Variants in ARHGAP28 observed in about 807,000 individuals in gnomAD.
The protein encoded by ARHGAP28 is Rho GTPase activating protein 28.
In ARHGAP28, 56 loss-of-function variants were observed where a neutral mutation model predicts 90.7. The ratio of observed to expected loss-of-function variants is 0.62; its 90% CI spans 0.50 to 0.77. The LOEUF is 0.77. ARHGAP28 is among the 30% of genes least tolerant of loss of function. ARHGAP28 has a pLI of 0.00. For synonymous variants in ARHGAP28, 308 were observed against 323.3 expected (o/e 0.95, Z 0.51); for missense variants, 869 against 900.9 (o/e 0.96, Z 0.45).
chr18:6,912,859 A>T lies in ARHGAP28; in HGVS notation c.*705A>T, dbSNP rs1397652206. ...TTCTTCTATGAGCACAGGTCCTCCTAGTGAAGCTTAGTTTGACAAAGGGTG... is the reference window on the plus strand; with the variant it reads ...TTCTTCTATGAGCACAGGTCCTCCTTGTGAAGCTTAGTTTGACAAAGGGTG... On this transcript the variant is annotated 3_prime_UTR_variant, in exon 18 of 18. Coordinates refer to ENST00000383472, the MANE Select transcript of ARHGAP28 (RefSeq NM_001366230.1). 1 of 152,240 alleles carries T rather than the reference A, an allele frequency of 6.6e-6. No homozygotes were observed. Among genetic ancestry groups the T allele is most frequent in the African/African-American group, 2.4e-5 (1 of 41,476 alleles). The allele number at this position is 152,240 out of a possible 1,614,324, so 9.4% of individuals were successfully genotyped here. A position where few individuals can be genotyped will look rare whatever the true frequency, so the allele number is the denominator to read the frequency against.
chr18:6,911,002 G>T (rs1476940440), intron 17 of ARHGAP28, among the ~76,000 whole-genome samples: 2 of 151,780 alleles, frequency 1.3e-5, no homozygotes, highest in Non-Finnish European at 2.9e-5. Flanking sequence ...CCATCACCAC[G>T]CCCGGCTAAT....
intron 12 of ARHGAP28, 48 bp from the exon 13 acceptor site, chr18:6,889,840 C>T (rs377226515): frequency 8.4e-6 from 13 of 1,556,760 alleles, no homozygotes; most frequent in African/African-American, 2.7e-5. Context: ...CAATCAGGGG[C>T]ACTTTTGACA....
intron 2 of ARHGAP28, among the ~76,000 whole-genome samples, chr18:6,825,747 G>A (rs2056657692): frequency 6.6e-6 from 1 of 152,082 alleles, no homozygotes; most frequent in Non-Finnish European, 1.5e-5. Flanking sequence ...TAGGATTATG[G>A]CCACCAGCTC....
intron 1 of ARHGAP28, among the ~76,000 whole-genome samples, chr18:6,806,021 A>G (rs2056516576): frequency 6.6e-6 from 1 of 151,916 alleles, no homozygotes; most frequent in Non-Finnish European, 1.5e-5. Context: ...AGTAGCTGGG[A>G]CTACAGGCAC....
chr18:6,770,458 C>T (rs1052711618), intron 1 of ARHGAP28, among the ~76,000 whole-genome samples: 11 of 152,136 alleles, frequency 7.2e-5, no homozygotes, highest in Admixed American at 4.6e-4. Flanking sequence ...TGGGTGCTTC[C>T]AAAGTGTTGT....
chr18:6,758,546 A>G (rs1327749652), intron 1 of ARHGAP28, among the ~76,000 whole-genome samples: 2 of 151,902 alleles, frequency 1.3e-5, no homozygotes, highest in East Asian at 1.9e-4. Context: ...CTGGTCTCGA[A>G]CTCCTGACCT....
At chr18:6,878,060 G>T (rs1376128425) in intron 10 of ARHGAP28, among the ~76,000 whole-genome samples, 3 of 151,944 alleles carry the variant, frequency 2.0e-5, no homozygotes, top group Non-Finnish European at 4.4e-5. Context: ...TAAATGTCCT[G>T]TTTCTAAATC....
At chr18:6,857,245 C>G (rs1265718166) in intron 4 of ARHGAP28, among the ~76,000 whole-genome samples, 2 of 152,110 alleles carry the variant, frequency 1.3e-5, no homozygotes, top group Non-Finnish European at 2.9e-5. Context: ...GATCTGCAGG[C>G]AGAAACAACA....
chr18:6,901,922 CT>C (rs1376276454), intron 16 of ARHGAP28, among the ~76,000 whole-genome samples: 4 of 152,156 alleles, frequency 2.6e-5, no homozygotes, highest in African/African-American at 9.6e-5. Context: ...TCCCGCATAA[CT>C]TTTGGTGGTT....
At chr18:6,777,937 G>A (rs1047616808) in intron 1 of ARHGAP28, among the ~76,000 whole-genome samples, 2 of 152,120 alleles carry the variant, frequency 1.3e-5, no homozygotes, top group African/African-American at 4.8e-5. Flanking sequence ...TTCCGATCTG[G>A]TGGCTACACT....
Position 6,824,813 on chromosome 18 carries a change from C to T in ARHGAP28, c.174C>T (p.Ser58=). ...TTAACAGGATGCTCTCCAATGAATC[C>T]CTCCATCCTCCTGCCTTCAGCCGTT... is the stretch of plus-strand genomic sequence containing the variant. The part of the protein sequence containing the change: ...RRINRMLSNE[S]LHPPAFSRSN... The change falls in exon 2 of 18, where the codon TCC becomes TCT. Residue 58 remains serine (S), a synonymous_variant. Transcript: ENST00000383472. The T allele has an allele frequency of 6.5e-7, 1 of 1,536,094 alleles. No individual in the cohort carries two copies. Among genetic ancestry groups the T allele is most frequent in the Non-Finnish European group, 8.7e-7 (1 of 1,146,834 alleles).
At position 6,908,965 on chromosome 18, in the gene ARHGAP28, G is replaced by T. The variant is rs891927423; in HGVS notation, c.2036G>T (p.Gly679Val). Residue 679 changes from glycine to valine, a missense_variant, in exon 17 of 18, where the codon GGT becomes GTT. Gly to Val is a moderately radical substitution (Grantham distance 109). Transcript: ENST00000383472. ...TATTTTCTCATTTTTTTCAGTCATG[G>T]TTCATCAGAATGTATTAAGATTCAG... ...LAKFQYENSH[G>V]SSECIKIQNQ... 41 of 1,534,326 alleles carry T rather than the reference G, an allele frequency of 2.7e-5. No homozygotes were observed. The highest frequency in any genetic ancestry group is 3.6e-5 in the Non-Finnish European group (40 of 1,113,158).
intron 11 of ARHGAP28, among the ~76,000 whole-genome samples, chr18:6,883,859 A>G (rs2057198786): frequency 6.6e-6 from 1 of 152,132 alleles, no homozygotes; most frequent in South Asian, 2.1e-4. Context: ...TTGTAAGCTT[A>G]CTGGGTTTTT....
At chr18:6,786,946 C>T (rs1035636953) in intron 1 of ARHGAP28, among the ~76,000 whole-genome samples, 7 of 151,850 alleles carry the variant, frequency 4.6e-5, no homozygotes, top group Non-Finnish European at 7.4e-5. Context: ...GGGCCGCGCG[C>T]GGTGGTTCAT....
At chr18:6,823,963 T>C (rs8086647) in intron 1 of ARHGAP28, among the ~76,000 whole-genome samples, 93,717 of 151,882 alleles carry the variant, frequency 0.62, 30,296 homozygotes, top group Non-Finnish European at 0.72. Flanking sequence ...GCTGCCCCAT[T>C]TTACATTCCT....
intron 3 of ARHGAP28, among the ~76,000 whole-genome samples, chr18:6,838,086 T>C (rs1402268116): frequency 6.6e-6 from 1 of 152,228 alleles, no homozygotes; most frequent in Non-Finnish European, 1.5e-5. Context: ...CATTTATTCA[T>C]TGCACAATTG....
At chr18:6,759,329 T>C (rs2056139395) in intron 1 of ARHGAP28, among the ~76,000 whole-genome samples, 2 of 152,224 alleles carry the variant, frequency 1.3e-5, no homozygotes, top group Non-Finnish European at 2.9e-5. Flanking sequence ...AAGGAAATTC[T>C]GCTTTTCACT....
At chr18:6,731,768 A>G (rs1041081015) in intron 1 of ARHGAP28, among the ~76,000 whole-genome samples, 1 of 152,246 alleles carries the variant, frequency 6.6e-6, no homozygotes, top group Non-Finnish European at 1.5e-5. Context: ...AGAGGACACC[A>G]TTAATCATAA....
At chr18:6,793,167 C>T (rs1349792458) in intron 1 of ARHGAP28, among the ~76,000 whole-genome samples, 1 of 152,204 alleles carries the variant, frequency 6.6e-6, no homozygotes, top group African/African-American at 2.4e-5. Context: ...TCATAATTAA[C>T]ACACTTACGA....
Sources: allele counts gnomAD v4.1 joint callset (sites outside exome capture counted in the v4.1 genomes callset), GRCh38; gene constraint gnomAD v4.1.1; transcripts MANE v1.5; gene names NCBI Gene and HGNC (gene_info 2026-07-23, HGNC 2026-07-21).